TMEM182: variants seen among roughly 807,000 people sequenced by gnomAD.
TMEM182 encodes the protein transmembrane protein 182.
A neutral mutation model predicts 26.8 loss-of-function variants in TMEM182; 20 were observed. The observed-to-expected ratio is 0.75, with a 90% CI of 0.53 to 1.09. The LOEUF (loss-of-function observed/expected upper bound fraction) is 1.09, where lower values mean the gene tolerates loss of function less well. TMEM182 is among the 50% of genes least tolerant of loss of function. The pLI is 0.00. For synonymous variants in TMEM182, 109 were observed against 102.2 expected (o/e 1.07, Z -0.40); for missense variants, 277 against 275.5 (o/e 1.01, Z -0.04).
downstream of TMEM182, among the ~76,000 whole-genome samples, chr2:102,822,424 C>T (rs1310068299): frequency 2.0e-5 from 3 of 152,092 alleles, no homozygotes; most frequent in Admixed American, 6.6e-5. Flanking sequence ...TTATATTTAC[C>T]AGTGGTGCTG....
chr2:102,783,708 G>A lies in TMEM182; in HGVS notation c.332-14155G>A, dbSNP rs559218594. 1.3e-3 allele frequency among the ~76,000 whole-genome samples: 199 copies of A among 152,276 alleles called. 1 individual carries two copies. Among genetic ancestry groups the A allele is most frequent in the Non-Finnish European group, 2.2e-3 (147 of 68,024 alleles). On this transcript the variant is annotated intron_variant, in intron 3 of 4. Coordinates refer to ENST00000412401, the MANE Select transcript of TMEM182 (RefSeq NM_144632.5). Reference sequence around the variant, plus strand: ...GAAGTGGGAGGATCTCTTGAGCACAGGAGTTTGAGGCTGTAGTGAGCTATG... The same window carrying A: ...GAAGTGGGAGGATCTCTTGAGCACAAGAGTTTGAGGCTGTAGTGAGCTATG...
At chr2:102,824,413 C>T (rs139760979) in intron 3 of TMEM182, among the ~76,000 whole-genome samples, 1 of 152,196 alleles carries the variant, frequency 6.6e-6, no homozygotes, top group African/African-American at 2.4e-5. Flanking sequence ...GTGTTTGGAC[C>T]ATGGGAGTGG....
chr2:102,760,649 T>C (rs1376617364), upstream of TMEM182, among the ~76,000 whole-genome samples: 1 of 152,148 alleles, frequency 6.6e-6, no homozygotes, highest in Non-Finnish European at 1.5e-5. Context: ...AGTTTTGCTC[T>C]TGTTGCCCAG....
At chr2:102,838,843 G>A (rs1467997703) in intron 3 of TMEM182, among the ~76,000 whole-genome samples, 2 of 152,170 alleles carry the variant, frequency 1.3e-5, no homozygotes, top group Non-Finnish European at 2.9e-5. Flanking sequence ...ATTGGCAGAG[G>A]AAGGATGGCA....
chr2:102,801,299 T>C (rs1056456596), intron 4 of TMEM182, among the ~76,000 whole-genome samples: 12 of 151,970 alleles, frequency 7.9e-5, no homozygotes, highest in African/African-American at 2.4e-4. Flanking sequence ...TTTTATGGAG[T>C]GCACTCAGAC....
chr2:102,781,912 A>C (rs973211468), intron 3 of TMEM182, among the ~76,000 whole-genome samples: 9 of 152,284 alleles, frequency 5.9e-5, no homozygotes, highest in Non-Finnish European at 1.3e-4. Flanking sequence ...ATCCAGTGAA[A>C]TTATCAACAA....
intron 1 of TMEM182, among the ~76,000 whole-genome samples, chr2:102,741,171 G>A (rs1220547381): frequency 2.0e-5 from 3 of 152,162 alleles, no homozygotes; most frequent in African/African-American, 7.2e-5. Context: ...CTAGCATATA[G>A]AATTACAGTC....
intron 3 of TMEM182, among the ~76,000 whole-genome samples, chr2:102,795,279 C>G (rs4290677): frequency 6.6e-6 from 1 of 152,224 alleles, no homozygotes; most frequent in South Asian, 2.1e-4. Context: ...TTGGCTGTCT[C>G]TTTGATAATT....
chr2:102,795,930 A>G (rs969877394), intron 3 of TMEM182, among the ~76,000 whole-genome samples: 7 of 152,110 alleles, frequency 4.6e-5, no homozygotes, highest in African/African-American at 9.7e-5. Context: ...TCTTTGCACA[A>G]TGAGGGTTCC....
At chr2:102,781,788 T>C (rs768835521) in intron 3 of TMEM182, among the ~76,000 whole-genome samples, 19 of 152,174 alleles carry the variant, frequency 1.2e-4, no homozygotes, top group Non-Finnish European at 2.5e-4. Context: ...ACATTTGACG[T>C]AAGGTTTTGC....
At chr2:102,793,198 T>C (rs907398743) in intron 3 of TMEM182, among the ~76,000 whole-genome samples, 2 of 152,212 alleles carry the variant, frequency 1.3e-5, no homozygotes, top group African/African-American at 4.8e-5. Flanking sequence ...TTCAAACTGT[T>C]CTTCAGAAGG....
intron 3 of TMEM182, among the ~76,000 whole-genome samples, chr2:102,777,196 C>T (rs1389395322): frequency 2.0e-5 from 3 of 151,660 alleles, no homozygotes; most frequent in East Asian, 1.9e-4. Context: ...TGATGCTTTT[C>T]GTATTGTATA....
At chr2:102,742,460 C>T (rs559204059) in intron 1 of TMEM182, among the ~76,000 whole-genome samples, 1 of 152,268 alleles carries the variant, frequency 6.6e-6, no homozygotes, top group South Asian at 2.1e-4. Context: ...AAGATACCCT[C>T]TGGTATTCTT....
intron 3 of TMEM182, among the ~76,000 whole-genome samples, chr2:102,784,923 T>G (rs145950035): frequency 1.1e-3 from 161 of 152,276 alleles, no homozygotes; most frequent in African/African-American, 3.7e-3. Flanking sequence ...TGACTTGTAT[T>G]TTGTTCTGAC....
intron 3 of TMEM182, among the ~76,000 whole-genome samples, chr2:102,841,339 G>A (rs1045238531): frequency 9.2e-5 from 14 of 152,162 alleles, no homozygotes; most frequent in African/African-American, 3.1e-4. Flanking sequence ...AGAAGCACAG[G>A]GGACAGCCAA....
chr2:102,746,283 A>AT (rs1226934471), intron 1 of TMEM182, among the ~76,000 whole-genome samples: 8 of 151,924 alleles, frequency 5.3e-5, no homozygotes, highest in East Asian at 1.9e-4. Flanking sequence ...TTTAATTGCG[A>AT]TTTTTTTTAA....
At chr2:102,758,481 C>G (rs761400695), upstream of TMEM182, 1 of 717,074 alleles carries the variant, frequency 1.4e-6, no homozygotes. Context: ...ATGGTAAGCT[C>G]CATTTCATGT....
chr2:102,771,139 G>GA (rs1680653376), intron 3 of TMEM182, among the ~76,000 whole-genome samples: 1 of 152,120 alleles, frequency 6.6e-6, no homozygotes, highest in African/African-American at 2.4e-5. Flanking sequence ...TAGTTAGCTA[G>GA]AAAAAACTAT....
At chr2:102,779,000 C>G (rs1382751656) in intron 3 of TMEM182, among the ~76,000 whole-genome samples, 1 of 152,034 alleles carries the variant, frequency 6.6e-6, no homozygotes, top group African/African-American at 2.4e-5. Context: ...CTTTTATCTT[C>G]TTAGTAATTC....
Sources: allele counts gnomAD v4.1 joint callset (sites outside exome capture counted in the v4.1 genomes callset), GRCh38; gene constraint gnomAD v4.1.1; transcripts MANE v1.5; gene names NCBI Gene and HGNC (gene_info 2026-07-23, HGNC 2026-07-21).